Variants in EXTL1 observed in about 807,000 individuals in gnomAD.
The protein encoded by EXTL1 is exostosin like glycosyltransferase 1.
Under a neutral mutation model 64.6 loss-of-function variants are expected in EXTL1, and 43 were observed. That is an observed-to-expected ratio of 0.67 (90% CI 0.52 to 0.86). The LOEUF (loss-of-function observed/expected upper bound fraction) is 0.86, where lower values mean the gene tolerates loss of function less well. Among genes scored for constraint, EXTL1 ranks in the 40% least tolerant of loss-of-function variants. The probability of loss-of-function intolerance (pLI) is 0.00; values close to 1 mark genes in which losing one functional copy is unlikely to be tolerated. For synonymous variants in EXTL1, 352 were observed against 360.5 expected (o/e 0.98, Z 0.27); for missense variants, 766 against 879.0 (o/e 0.87, Z 1.62).
At chr1:26,031,090 C>T in intron 4 of EXTL1, 42 bp from the exon 5 acceptor site, 5 of 1,613,026 alleles carry the variant, frequency 3.1e-6, no homozygotes, top group Non-Finnish European at 4.2e-6. Context: ...TGGCCATGGT[C>T]ACACAGGCCA....
Position 26,029,269 on chromosome 1 carries a change from T to C in EXTL1, c.856T>C (p.Phe286Leu). Reference protein sequence around the residue: ...SGHRPEAASRFLQALQAGCIP... With the variant: ...SGHRPEAASRLLQALQAGCIP... ...CCACCGTCCCGAGGCTGCCTCGCGCTTCCTCCAAGCCCTGCAGGTACAACC... is the reference window on the plus strand; with the variant it reads ...CCACCGTCCCGAGGCTGCCTCGCGCCTCCTCCAAGCCCTGCAGGTACAACC... Residue 286 changes from phenylalanine (F) to leucine (L), a missense_variant, in exon 2 of 11, where the codon TTC (phenylalanine) becomes CTC (leucine). By Grantham distance (22) the Phe-to-Leu change is conservative. Around this residue, in one of 3 missense-constraint regions of EXTL1, gnomAD observed 571 missense variants for 647.6 expected, o/e 0.88. Coordinates refer to ENST00000374280, the MANE Select transcript of EXTL1 (RefSeq NM_004455.3). 6.2e-7 allele frequency: 1 copy of C among 1,613,686 alleles called. No homozygotes were observed. Among genetic ancestry groups the C allele is most frequent in the East Asian group, 2.2e-5 (1 of 44,860 alleles).
In EXTL1 at chr1:26,033,223, C is replaced by T; in HGVS notation, c.1432-6C>T. 2 of 1,609,616 alleles carry T rather than the reference C, an allele frequency of 1.2e-6. No homozygotes were observed. The highest frequency in any genetic ancestry group is 4.5e-5 in the East Asian group (2 of 44,862). ...TGGCTGAGTTCCCCTCCCCCACTCCCTGCAGGTTAGTGATCGCTTCTACCC... is the reference window on the plus strand; with the variant it reads ...TGGCTGAGTTCCCCTCCCCCACTCCTTGCAGGTTAGTGATCGCTTCTACCC... On this transcript the variant is annotated splice_region_variant and splice_polypyrimidine_tract_variant and intron_variant, in intron 7 of 10. Transcript: ENST00000374280. This position sits in a 1 kb window ranked among gnomAD's most constrained non-coding sequence, Gnocchi z 5.1.
chr1:26,030,609 C>T lies in EXTL1; in HGVS notation c.1101+14C>T. The T allele has an allele frequency of 1.9e-6, 3 of 1,598,174 alleles. No homozygotes were observed. The highest frequency in any genetic ancestry group is 2.6e-6 in the Non-Finnish European group (3 of 1,168,394). ...ACCACTCTGGAGGTGAGGGGTCTCA[C>T]CTGATGGGGGTCCTGGCTCTTGACT... On this transcript the variant is annotated intron_variant, in intron 4 of 10. Coordinates refer to ENST00000374280, the MANE Select transcript of EXTL1 (RefSeq NM_004455.3).
chr1:26,024,742 G>A (rs548166814), intron 1 of EXTL1, among the ~76,000 whole-genome samples: 4 of 152,272 alleles, frequency 2.6e-5, no homozygotes, highest in African/African-American at 9.6e-5. Flanking sequence ...GAGCGACAAG[G>A]CTCTCCCTTT....
chr1:26,034,916 T>C lies in EXTL1; in HGVS notation c.1760T>C (p.Val587Ala), dbSNP rs770328569. Residue 587 changes from valine (V) to alanine (A), a missense_variant, in exon 10 of 11, where the codon GTC (valine) becomes GCC (alanine). By Grantham distance (64) the Val-to-Ala change is moderately conservative. Around this residue, in one of 3 missense-constraint regions of EXTL1, gnomAD observed 194 missense variants for 214.5 expected, o/e 0.90. Coordinates refer to ENST00000374280, the MANE Select transcript of EXTL1 (RefSeq NM_004455.3). This position sits in a 1 kb window ranked among gnomAD's most constrained non-coding sequence, Gnocchi z 4.6. ...LADEAPTCVDVLMNFIVAAVT... is the reference protein window; with the variant it reads ...LADEAPTCVDALMNFIVAAVT... ...GATGAGGCACCCACCTGTGTGGACG[T>C]CCTGATGAATTTCATAGTAGCAGCA... is the stretch of plus-strand genomic sequence containing the variant. The C allele has an allele frequency of 1.2e-6, 2 of 1,614,198 alleles. No individual in the cohort carries two copies. The highest frequency in any genetic ancestry group is 1.7e-6 in the Non-Finnish European group (2 of 1,180,018).
intron 1 of EXTL1, among the ~76,000 whole-genome samples, chr1:26,028,509 G>A (rs2050242329): frequency 6.6e-6 from 1 of 152,202 alleles, no homozygotes; most frequent in Admixed American, 6.5e-5. Flanking sequence ...GCAGGCAATG[G>A]TCCCCTGGGT....
At chr1:26,030,670 G>A in intron 4 of EXTL1, 75 bp downstream of exon 4, 1 of 1,486,894 alleles carries the variant, frequency 6.7e-7, no homozygotes, top group Middle Eastern at 1.9e-4. Context: ...ATACTTCTCT[G>A]CCACAGTGTT....
chr1:26,029,817 G>T (rs1489858236), intron 3 of EXTL1, 110 bp downstream of exon 3: 2 of 674,862 alleles, frequency 3.0e-6, no homozygotes, highest in African/African-American at 3.6e-5. Flanking sequence ...GCCTTCTATG[G>T]ATACTGGTGA....
rs1005312362 is a variant in EXTL1 at position 26,033,758 on chromosome 1, G to A, written c.1581G>A (p.Ser527=). 1.5e-5 allele frequency: 24 copies of A among 1,613,982 alleles called. No homozygotes were observed. The highest frequency in any genetic ancestry group is 5.3e-5 in the African/African-American group (4 of 74,892). ...AGCGGATGGTGGGCTTCCTGACGTC[G>A]AGCCATTTCTGGGACGAGGCCCATG... ...FPERMVGFLT[S]SHFWDEAHGG... Residue 527 remains serine (S), a synonymous_variant, in exon 9 of 11, where the codon TCG becomes TCA. Transcript: ENST00000374280. The surrounding 1 kb of genome is among the most constrained non-coding windows in gnomAD (Gnocchi z 5.1).
At position 26,035,178 on chromosome 1, in the gene EXTL1, CG is replaced by C; in HGVS notation, c.1866del (p.Arg624GlyfsTer15). On this transcript the variant is annotated frameshift_variant, in exon 11 of 11. Transcript: ENST00000374280. LOFTEE classifies it low-confidence loss of function (END_TRUNC). This position sits in a 1 kb window ranked among gnomAD's most constrained non-coding sequence, Gnocchi z 5.3. The part of the protein sequence containing the change: ...QEAAPLAPGG[P>X]GPRPKPPAPA... ...TTTCCCTCTTAGGCGCCTGGGGGCC[CG>C]GGGCCCAGGCCAAAGCCGCCTGCCC... 6.2e-7 allele frequency: 1 copy of C among 1,602,858 alleles called. No homozygotes were observed. The highest frequency in any genetic ancestry group is 8.5e-7 in the Non-Finnish European group (1 of 1,173,752).
Position 26,034,099 on chromosome 1 carries a change from C to T in EXTL1, c.1679+243C>T, listed in dbSNP as rs1163830974. ...TGAACATTAAATGAAGTCCCTGGCACAGAGGTTCCACAAATGGTAGCTATT... is the reference window on the plus strand; with the variant it reads ...TGAACATTAAATGAAGTCCCTGGCATAGAGGTTCCACAAATGGTAGCTATT... On this transcript the variant is annotated intron_variant, in intron 9 of 10. Coordinates refer to ENST00000374280, the MANE Select transcript of EXTL1 (RefSeq NM_004455.3). The surrounding 1 kb of genome is among the most constrained non-coding windows in gnomAD (Gnocchi z 4.6). Among the ~76,000 whole-genome samples, 7 of 152,222 alleles carry T rather than the reference C, an allele frequency of 4.6e-5. No homozygotes were observed. The highest frequency in any genetic ancestry group is 1.0e-4 in the Non-Finnish European group (7 of 68,052).
chr1:26,029,127 A>C, intron 1 of EXTL1, 66 bp from the exon 2 acceptor site: 1 of 1,211,276 alleles, frequency 8.3e-7, no homozygotes, highest in Non-Finnish European at 1.2e-6. Flanking sequence ...CCATTGAGGG[A>C]GCCCAGGGGG....
chr1:26,022,379 C>T lies in EXTL1; in HGVS notation c.-268C>T. 2.3e-6 allele frequency: 1 copy of T among 428,182 alleles called. No individual in the cohort carries two copies. The highest frequency in any genetic ancestry group is 4.1e-6 in the Non-Finnish European group (1 of 241,132). The allele number at this position is 428,182 out of a possible 1,614,324, so 26.5% of individuals were successfully genotyped here. On this transcript the variant is annotated 5_prime_UTR_variant, in exon 1 of 11. Transcript: ENST00000374280. Reference sequence around the variant, plus strand: ...GGAGGGAAAAGGCTGGCTTGGTTGTCCAAAGGCCGAGAAGGCAGAGTCCTG... The same window carrying T: ...GGAGGGAAAAGGCTGGCTTGGTTGTTCAAAGGCCGAGAAGGCAGAGTCCTG...
rs200110724 is a variant in EXTL1 at position 26,033,238 on chromosome 1, C to T, written c.1441C>T (p.Arg481Cys). The T allele has an allele frequency of 4.8e-5, 77 of 1,613,056 alleles. No individual in the cohort carries two copies. Among genetic ancestry groups the T allele is most frequent in the Non-Finnish European group, 6.2e-5 (73 of 1,179,090 alleles). ...VIDGHRKVSD[R>C]FYPYSTIRTD... ...CCCCCACTCCCTGCAGGTTAGTGAT[C>T]GCTTCTACCCATATAGCACCATCAG... Residue 481 changes from arginine (R) to cysteine (C), a missense_variant, in exon 8 of 11, where the codon CGC becomes TGC. Physicochemically the swap from Arg to Cys is radical, Grantham distance 180. Around this residue, in one of 3 missense-constraint regions of EXTL1, gnomAD observed 571 missense variants for 647.6 expected, o/e 0.88. Coordinates refer to ENST00000374280, the MANE Select transcript of EXTL1 (RefSeq NM_004455.3). The surrounding 1 kb of genome is among the most constrained non-coding windows in gnomAD (Gnocchi z 5.1).
chr1:26,023,310 CCCGGGG>C lies in EXTL1; in HGVS notation c.665_670del (p.Pro222_Val224delinsLeu), dbSNP rs1329317725. The C allele has an allele frequency of 6.4e-7, 1 of 1,551,276 alleles. No homozygotes were observed. The highest frequency in any genetic ancestry group is 8.7e-7 in the Non-Finnish European group (1 of 1,146,150). On this transcript the variant is annotated inframe_deletion, in exon 1 of 11. Coordinates refer to ENST00000374280, the MANE Select transcript of EXTL1 (RefSeq NM_004455.3). ...CCAGCTGCGGCAACACAGCCCCCAG[CCCGGGG>C]TAGCCCTGCTAGCCCTGGAAGAGGA...
In EXTL1 at chr1:26,033,128, A is replaced by C; in HGVS notation, c.1432-101A>C. 1 of 825,366 alleles carries C rather than the reference A, an allele frequency of 1.2e-6. No individual in the cohort carries two copies. Among genetic ancestry groups the C allele is most frequent in the Admixed American group, 1.9e-5 (1 of 51,564 alleles). The allele number at this position is 825,366 out of a possible 1,614,324, so 51.1% of individuals were successfully genotyped here. A position where few individuals can be genotyped will look rare whatever the true frequency, so the allele number is the denominator to read the frequency against. The stretch of plus-strand genomic sequence containing the variant: ...CTGTGCCTGAAGGGAGGCTTTATTC[A>C]TGGCTCAGGCGTCTACACTGTGCCT... On this transcript the variant is annotated intron_variant, in intron 7 of 10. Transcript: ENST00000374280. This position sits in a 1 kb window ranked among gnomAD's most constrained non-coding sequence, Gnocchi z 5.1.
chr1:26,035,474 G>C lies in EXTL1; in HGVS notation c.*127G>C, dbSNP rs1219397526. 3 of 871,190 alleles carry C rather than the reference G, an allele frequency of 3.4e-6. No individual in the cohort carries two copies. The highest frequency in any genetic ancestry group is 5.1e-6 in the Non-Finnish European group (3 of 582,976). The allele number at this position is 871,190 out of a possible 1,614,324, so 54.0% of individuals were successfully genotyped here. On this transcript the variant is annotated 3_prime_UTR_variant, in exon 11 of 11. Coordinates refer to ENST00000374280, the MANE Select transcript of EXTL1 (RefSeq NM_004455.3). This position sits in a 1 kb window ranked among gnomAD's most constrained non-coding sequence, Gnocchi z 5.3. ...ATGTCAGCCAGCGGGCCCACACGTCGGACCCCGGTTGGCCAATCACAACAG... is the reference window on the plus strand; with the variant it reads ...ATGTCAGCCAGCGGGCCCACACGTCCGACCCCGGTTGGCCAATCACAACAG...
rs544448516 is a variant in EXTL1 at position 26,029,539 on chromosome 1, G to C, written c.874-61G>C. 61 of 1,009,860 alleles carry C rather than the reference G, an allele frequency of 6.0e-5. No individual in the cohort carries two copies. The Admixed American group carries it at 6.1e-4, about 10-fold the overall frequency. The allele number at this position is 1,009,860 out of a possible 1,614,324, so 62.6% of individuals were successfully genotyped here. A position where few individuals can be genotyped will look rare whatever the true frequency, so the allele number is the denominator to read the frequency against. ...AGCAGCAGCTACTGACTTGGAACTG[G>C]GCGGGGGGTGAGTATGTGCAGGGTG... On this transcript the variant is annotated intron_variant, in intron 2 of 10. Transcript: ENST00000374280.
At chr1:26,024,760 C>T (rs185145429) in intron 1 of EXTL1, among the ~76,000 whole-genome samples, 1 of 152,324 alleles carries the variant, frequency 6.6e-6, no homozygotes, top group Non-Finnish European at 1.5e-5. Flanking sequence ...TTTGCCATGC[C>T]CTCCCTCACT....
Sources: gnomAD v4.1 joint callset for allele counts (sites outside exome capture counted in the v4.1 genomes callset) on GRCh38, gnomAD v4.1.1 for gene constraint, gnomAD v4.1.1 regional missense constraint, Gnocchi (gnomAD v3.1) non-coding constraint, MANE v1.5 for transcripts, NCBI Gene and HGNC (gene_info 2026-07-23, HGNC 2026-07-21) for gene names.